TENM3: variants seen among roughly 807,000 people sequenced by gnomAD.
The protein encoded by TENM3 is teneurin transmembrane protein 3, also known as teneurin-3.
In TENM3, 63 loss-of-function variants were observed where a neutral mutation model predicts 255.1. That is an observed-to-expected ratio of 0.25 (90% CI 0.20 to 0.30). The LOEUF is 0.30. TENM3 is among the 10% of genes least tolerant of loss of function. TENM3 has a pLI of 1.00. For missense variants in TENM3, 2,929 were observed against 3,461.1 expected, an observed-to-expected ratio of 0.85 and a Z score of 3.86; for synonymous variants, 1,306 against 1,322.3, an observed-to-expected ratio of 0.99 and a Z score of 0.27.
chr4:182,016,005 C>T, the TENM3 span, among the ~76,000 whole-genome samples: 1 of 152,118 alleles, frequency 6.6e-6, no homozygotes, highest in African/African-American at 2.4e-5. Flanking sequence ...TTCATAAATC[C>T]GTCTTGACTG....
chr4:181,769,756 G>A, the TENM3 span, among the ~76,000 whole-genome samples: 18 of 152,146 alleles, frequency 1.2e-4, no homozygotes, highest in Middle Eastern at 0.01. Flanking sequence ...AATACATCTG[G>A]AACGTATTAT....
the TENM3 span, among the ~76,000 whole-genome samples, chr4:181,656,665 T>C: frequency 1.3e-5 from 2 of 152,146 alleles, no homozygotes; most frequent in Admixed American, 1.3e-4. Flanking sequence ...TGATAATTGA[T>C]GTTTACTGTG....
At chr4:181,919,885 C>CGA in the TENM3 span, among the ~76,000 whole-genome samples, 1 of 98,208 alleles carries the variant, frequency 1.0e-5, no homozygotes, top group Non-Finnish European at 1.9e-5. Flanking sequence ...CCTCCCCCCT[C>CGA]CCCCCACCCC....
chr4:181,675,488 T>C, the TENM3 span, among the ~76,000 whole-genome samples: 6 of 152,136 alleles, frequency 3.9e-5, no homozygotes, highest in African/African-American at 1.4e-4. Context: ...TAATTAGATA[T>C]AAGGCAAAAT....
intron 6 of TENM3, among the ~76,000 whole-genome samples, chr4:182,657,302 A>G (rs1753837444): frequency 6.6e-6 from 1 of 152,070 alleles, no homozygotes; most frequent in South Asian, 2.1e-4. Flanking sequence ...CTCAACAACT[A>G]TTTCAGATCT....
At chr4:182,495,452 C>T (rs993811340) in intron 3 of TENM3, among the ~76,000 whole-genome samples, 3 of 151,652 alleles carry the variant, frequency 2.0e-5, no homozygotes, top group African/African-American at 4.8e-5. Flanking sequence ...AAGCTTGTGA[C>T]GTTGAGTAAC....
rs543825317 is a variant in TENM3, at chr4:182,770,116, A to C, written c.4893-3356A>C. Among the ~76,000 whole-genome samples the C allele has an allele frequency of 3.9e-3, 600 of 152,160 alleles. 1 individual carries two copies. Among genetic ancestry groups the C allele is most frequent in the African/African-American group, 0.013 (555 of 41,494 alleles). On this transcript the variant is annotated intron_variant, in intron 22 of 27. Coordinates refer to ENST00000511685, the MANE Select transcript of TENM3 (RefSeq NM_001080477.4). ...GTGAGACTTGTCTCGAAAAAAAAAA[A>C]AAAAAACAGTTCTTTTGAAAGAACT...
intron 1 of TENM3, among the ~76,000 whole-genome samples, chr4:182,271,633 C>G (rs759116406): frequency 6.6e-6 from 1 of 152,118 alleles, no homozygotes; most frequent in Non-Finnish European, 1.5e-5. Flanking sequence ...ATGTGTGATG[C>G]CTTTGTCTCG....
chr4:181,678,755 T>C, the TENM3 span, among the ~76,000 whole-genome samples: 1 of 151,848 alleles, frequency 6.6e-6, no homozygotes, highest in South Asian at 2.1e-4. Flanking sequence ...CTTAATTTTC[T>C]TTATAAAATA....
chr4:181,533,584 GGTCT>G, the TENM3 span, among the ~76,000 whole-genome samples: 1 of 151,842 alleles, frequency 6.6e-6, no homozygotes, highest in East Asian at 1.9e-4. Context: ...CTTCCACTGG[GGTCT>G]CCTTCCCTCT....
At chr4:181,509,125 G>A in the TENM3 span, among the ~76,000 whole-genome samples, 2 of 151,990 alleles carry the variant, frequency 1.3e-5, no homozygotes, top group South Asian at 4.2e-4. Flanking sequence ...CGTGGAACAT[G>A]GCACTTTCAC....
intron 3 of TENM3, among the ~76,000 whole-genome samples, chr4:182,397,248 C>A (rs546256918): frequency 1.4e-4 from 20 of 139,966 alleles, no homozygotes; most frequent in Admixed American, 4.4e-4. Flanking sequence ...AAAAAAAAAT[C>A]AAATTAGCTG....
chr4:182,410,483 G>T (rs567141922), intron 3 of TENM3, among the ~76,000 whole-genome samples: 3 of 152,196 alleles, frequency 2.0e-5, no homozygotes, highest in Admixed American at 1.3e-4. Context: ...TCTTTGCAGG[G>T]CCTCGCTAAG....
chr4:181,804,570 A>T, the TENM3 span, among the ~76,000 whole-genome samples: 1 of 152,366 alleles, frequency 6.6e-6, no homozygotes. Flanking sequence ...AGACTTTAAG[A>T]ATAAACAAGA....
the TENM3 span, among the ~76,000 whole-genome samples, chr4:181,453,207 A>G: frequency 2.6e-5 from 4 of 152,216 alleles, no homozygotes; most frequent in Non-Finnish European, 5.9e-5. Flanking sequence ...GGCCATGGGT[A>G]TTAACCAAGA....
chr4:182,728,500 A>G (rs1227255444), intron 13 of TENM3, among the ~76,000 whole-genome samples: 2 of 152,218 alleles, frequency 1.3e-5, no homozygotes, highest in Admixed American at 6.5e-5. Context: ...GGCAGATGCA[A>G]GTAGATTTAT....
chr4:182,244,068 C>T (rs977295710), intron 1 of TENM3, among the ~76,000 whole-genome samples: 3 of 151,338 alleles, frequency 2.0e-5, no homozygotes, highest in Non-Finnish European at 4.4e-5. Context: ...ATTCTCCTGC[C>T]TCAGCCTCCC....
intron 3 of TENM3, among the ~76,000 whole-genome samples, chr4:182,591,289 T>C (rs1746622157): frequency 6.6e-6 from 1 of 152,192 alleles, no homozygotes; most frequent in South Asian, 2.1e-4. Context: ...ATTCAGACTT[T>C]GATTATTTCT....
At chr4:182,352,823 A>G (rs1006765313) in intron 3 of TENM3, among the ~76,000 whole-genome samples, 11 of 152,134 alleles carry the variant, frequency 7.2e-5, no homozygotes, top group African/African-American at 2.2e-4. Context: ...TAGTGATAGC[A>G]TTTCCATCAA....
Sources: gnomAD v4.1 joint callset for allele counts (sites outside exome capture counted in the v4.1 genomes callset) on GRCh38, gnomAD v4.1.1 for gene constraint, MANE v1.5 for transcripts, NCBI Gene and HGNC (gene_info 2026-07-23, HGNC 2026-07-21) for gene names.